The following THBS3 variants were observed in gnomAD, a reference collection of about 807,000 sequenced individuals.
THBS3 encodes thrombospondin-3.
THBS3 carries 78 observed loss-of-function variants against 118.3 expected under a neutral mutation model. The observed-to-expected ratio is 0.66, with a 90% CI of 0.55 to 0.80. The LOEUF is 0.80. Among genes scored for constraint, THBS3 ranks in the 30% least tolerant of loss-of-function variants. THBS3 has a pLI of 0.00. For synonymous variants in THBS3, 427 were observed against 475.3 expected (o/e 0.90, Z 1.32); for missense variants, 1,057 against 1,247.4 (o/e 0.85, Z 2.30).
intron 16 of THBS3, 61 bp downstream of exon 16, chr1:155,199,743 A>G: frequency 1.2e-5 from 19 of 1,588,274 alleles, no homozygotes; most frequent in Non-Finnish European, 1.6e-5. Flanking sequence ...TGACAGAGCA[A>G]GACTCCGTCT....
Position 155,206,540 on chromosome 1 carries a change from C to A in THBS3, c.80-134G>T. ...CCTCAAAATTCAACCCTTGGCTGGG[C>A]ATGGTGGCTCGCACCTGTAATCCCA... is the stretch of plus-strand genomic sequence containing the variant. On this transcript the variant is annotated intron_variant, in intron 1 of 22. Transcript: ENST00000368378. This position sits in a 1 kb window ranked among gnomAD's most constrained non-coding sequence, Gnocchi z 4.2. 1 of 755,950 alleles carries A rather than the reference C, an allele frequency of 1.3e-6. No homozygotes were observed. The highest frequency in any genetic ancestry group is 1.7e-5 in the South Asian group (1 of 59,998). 46.8% of individuals were successfully genotyped at this position (755,950 alleles called of 1,614,324 possible).
chr1:155,202,036 T>G lies in THBS3; in HGVS notation c.1099-2A>C, dbSNP rs879187508. On this transcript the variant is annotated splice_acceptor_variant, in intron 9 of 22. Transcript: ENST00000368378. LOFTEE classifies it high-confidence loss of function. This position sits in a 1 kb window ranked among gnomAD's most constrained non-coding sequence, Gnocchi z 5.5. ...GCATTCATCGATGTCATTGCAGACC[T>G]GAAGGGGCAGACTTTGGGTGGAACC... The G allele has an allele frequency of 6.2e-7, 1 of 1,614,134 alleles. No homozygotes were observed. The highest frequency in any genetic ancestry group is 1.1e-5 in the South Asian group (1 of 91,086).
In THBS3 at chr1:155,205,221, G is replaced by A; in HGVS notation, c.382C>T (p.Arg128Ter). Reference protein sequence around the residue: ...ADGRTHTVLLRLRGPSRPSPA... With the variant: ...ADGRTHTVLL ...CTGGGTCTGGAGGGACCTCGGAGTCGCAGGAGAACTGTGTGTGTGCGCCCA... is the reference window on the plus strand; with the variant it reads ...CTGGGTCTGGAGGGACCTCGGAGTCACAGGAGAACTGTGTGTGTGCGCCCA... The change falls in exon 3 of 23, where the codon CGA becomes TGA. Residue 128 changes from arginine to a stop codon, truncating the protein, a stop_gained. Transcript: ENST00000368378. LOFTEE classifies it high-confidence loss of function. The A allele has an allele frequency of 7.4e-6, 12 of 1,614,148 alleles. No homozygotes were observed. The highest frequency in any genetic ancestry group is 1.7e-5 in the Admixed American group (1 of 60,014).
chr1:155,196,950 C>T (rs1211881127), intron 21 of THBS3, 91 bp downstream of exon 21: 1 of 1,313,098 alleles, frequency 7.6e-7, no homozygotes, highest in Non-Finnish European at 1.1e-6. Flanking sequence ...CTGCAGTTCC[C>T]ACCCATGGAG....
At chr1:155,199,929 C>G (rs931751052) in intron 15 of THBS3, 66 bp downstream of exon 15, 4 of 1,611,898 alleles carry the variant, frequency 2.5e-6, no homozygotes, top group Middle Eastern at 3.3e-4. Context: ...CACTTTCCAT[C>G]CAAAGGGCTG....
chr1:155,205,408 T>G, intron 2 of THBS3, 92 bp from the exon 3 acceptor site: 7 of 1,507,476 alleles, frequency 4.6e-6, no homozygotes, highest in Non-Finnish European at 6.3e-6. Flanking sequence ...ACCACATCTC[T>G]AGGGCCCCTA....
upstream of THBS3, chr1:155,208,708 C>A (rs943000853): frequency 2.3e-6 from 3 of 1,283,352 alleles, no homozygotes; most frequent in Non-Finnish European, 3.1e-6. Context: ...CAAGCCCCAG[C>A]CCGGCCTCCG....
chr1:155,203,592 C>T, intron 4 of THBS3, 53 bp from the exon 5 acceptor site: 1 of 1,606,266 alleles, frequency 6.2e-7, no homozygotes. Flanking sequence ...TGAAGAGAGG[C>T]CTGGTTGGTG....
In THBS3 at chr1:155,197,664, G is replaced by A; in HGVS notation, c.2303-5C>T. Reference sequence around the variant, plus strand: ...CACCATTGAAGGCCGTGTATCCTGGGGTGGGGGTGGGATAAAGGTCAGGGG... The same window carrying A: ...CACCATTGAAGGCCGTGTATCCTGGAGTGGGGGTGGGATAAAGGTCAGGGG... On this transcript the variant is annotated splice_region_variant and splice_polypyrimidine_tract_variant and intron_variant, in intron 19 of 22. Transcript: ENST00000368378. The surrounding 1 kb of genome is among the most constrained non-coding windows in gnomAD (Gnocchi z 5.0). The A allele has an allele frequency of 6.2e-7, 1 of 1,603,788 alleles. No homozygotes were observed. Among genetic ancestry groups the A allele is most frequent in the Non-Finnish European group, 8.5e-7 (1 of 1,171,032 alleles).
In THBS3 at chr1:155,199,792, C is replaced by A. The variant is rs1012069595; in HGVS notation, c.1880+12G>T. Reference sequence around the variant, plus strand: ...AAAAGAAAGACCTTGCGTCTCTTGACCAAGACCTTACCTGTCTTCATTAGT... The same window carrying A: ...AAAAGAAAGACCTTGCGTCTCTTGAACAAGACCTTACCTGTCTTCATTAGT... On this transcript the variant is annotated intron_variant, in intron 16 of 22. Coordinates refer to ENST00000368378, the MANE Select transcript of THBS3 (RefSeq NM_007112.5). 9.3e-6 allele frequency: 15 copies of A among 1,613,984 alleles called. No individual in the cohort carries two copies. Among genetic ancestry groups the A allele is most frequent in the Admixed American group, 1.7e-5 (1 of 60,002 alleles).
In THBS3 at chr1:155,198,414, G is replaced by GCGGGGTA; in HGVS notation, c.2068_2069insTACCCCG (p.Ser690LeufsTer10). ...CTCTGGGTCCGCAGGCTTACCATCT[G>GCGGGGTA]AGTCCTTCTGATTGGGATTGGGTAC... On this transcript the variant is annotated frameshift_variant, in exon 17 of 23. Coordinates refer to ENST00000368378, the MANE Select transcript of THBS3 (RefSeq NM_007112.5). LOFTEE classifies it high-confidence loss of function. 1 of 1,613,802 alleles carries GCGGGGTA rather than the reference G, an allele frequency of 6.2e-7. No homozygotes were observed. The highest frequency in any genetic ancestry group is 8.5e-7 in the Non-Finnish European group (1 of 1,179,780).
Position 155,197,460 on chromosome 1 carries a change from G to A in THBS3, c.2499+3C>T, listed in dbSNP as rs778394332. ...GGGTTGCGGAATCTGAGCAGCTGGG[G>A]ACCTTGAGCTGCAGCCCGGGCTGGG... On this transcript the variant is annotated splice_donor_region_variant and intron_variant, in intron 20 of 22. Transcript: ENST00000368378. The surrounding 1 kb of genome is among the most constrained non-coding windows in gnomAD (Gnocchi z 5.0). 11 of 1,611,728 alleles carry A rather than the reference G, an allele frequency of 6.8e-6. No individual in the cohort carries two copies. Among genetic ancestry groups the A allele is most frequent in the Non-Finnish European group, 8.5e-6 (10 of 1,179,772 alleles).
intron 15 of THBS3, 46 bp downstream of exon 15, chr1:155,199,949 C>G (rs1353807847): frequency 9.3e-6 from 15 of 1,607,936 alleles, no homozygotes; most frequent in Non-Finnish European, 1.3e-5. Context: ...GGGGCTTCAT[C>G]CATCAGTACC....
chr1:155,195,813 C>A lies in THBS3; in HGVS notation c.*28G>T. 6.2e-7 allele frequency: 1 copy of A among 1,612,384 alleles called. No individual in the cohort carries two copies. The highest frequency in any genetic ancestry group is 1.1e-5 in the South Asian group (1 of 90,996). ...CCCCAAGGCCAAAGGGTCTAAAATT[C>A]TGAATTCTGAATCTGGTGGCCTCCT... On this transcript the variant is annotated 3_prime_UTR_variant, in exon 23 of 23. Coordinates refer to ENST00000368378, the MANE Select transcript of THBS3 (RefSeq NM_007112.5).
chr1:155,205,534 T>G (rs1187193622), intron 2 of THBS3: 1 of 602,092 alleles, frequency 1.7e-6, no homozygotes, highest in East Asian at 3.0e-5. Flanking sequence ...TCCCAGCACT[T>G]TAGAAGGCCA....
At chr1:155,203,007 C>T in intron 7 of THBS3, 47 bp from the exon 8 acceptor site, 1 of 1,613,810 alleles carries the variant, frequency 6.2e-7, no homozygotes, top group East Asian at 2.2e-5. Context: ...ACTATTTAAG[C>T]CACCAGAAGG....
At chr1:155,200,278 C>T in intron 14 of THBS3, 165 bp from the exon 15 acceptor site, 1 of 994,750 alleles carries the variant, frequency 1.0e-6, no homozygotes, top group Non-Finnish European at 1.5e-6. Context: ...TAACACTACG[C>T]CCTACCTCAC....
intron 1 of THBS3, 133 bp downstream of exon 1, chr1:155,207,665 A>C: frequency 1.1e-6 from 1 of 885,878 alleles, no homozygotes; most frequent in East Asian, 2.5e-5. Flanking sequence ...AACTCTAGGC[A>C]GTCTTAAGTT....
intron 21 of THBS3, 161 bp downstream of exon 21, chr1:155,196,880 T>TCA: frequency 1.5e-6 from 1 of 674,048 alleles, no homozygotes; most frequent in Non-Finnish European, 2.5e-6. Flanking sequence ...AGGAGTGACT[T>TCA]CACCAACATC....
Sources: gnomAD v4.1 joint callset for allele counts on GRCh38, gnomAD v4.1.1 for gene constraint, Gnocchi (gnomAD v3.1) non-coding constraint, MANE v1.5 for transcripts, NCBI Gene and HGNC (gene_info 2026-07-23, HGNC 2026-07-21) for gene names.